Variants in WWOX observed in about 807,000 individuals in gnomAD.
The protein encoded by WWOX is WW domain-containing oxidoreductase.
In WWOX, 69 loss-of-function variants were observed where a neutral mutation model predicts 46.2. That is an observed-to-expected ratio of 1.49 (90% CI 1.23 to 1.82). WWOX has a LOEUF of 1.82. WWOX is among the 40% of genes most tolerant of loss of function. The probability of loss-of-function intolerance (pLI) is 0.00; values close to 1 mark genes in which losing one functional copy is unlikely to be tolerated. For missense variants in WWOX, 919 were observed against 542.6 expected (o/e 1.69, Z -6.89); for synonymous variants, 359 against 202.6 (o/e 1.77, Z -6.56).
At chr16:78,571,011 C>T (rs922860243) in intron 8 of WWOX, among the ~76,000 whole-genome samples, 3 of 152,128 alleles carry the variant, frequency 2.0e-5, no homozygotes, top group Non-Finnish European at 2.9e-5. Context: ...CTATGTTGCC[C>T]AGATGACTTG....
intron 8 of WWOX, among the ~76,000 whole-genome samples, chr16:79,178,095 C>A (rs952758798): frequency 2.6e-5 from 4 of 152,092 alleles, no homozygotes; most frequent in Non-Finnish European, 5.9e-5. Context: ...CTTTCAAAGG[C>A]CCTATCTTCT....
At chr16:78,437,492 A>G (rs914585389) in intron 8 of WWOX, among the ~76,000 whole-genome samples, 2 of 152,330 alleles carry the variant, frequency 1.3e-5, no homozygotes, top group South Asian at 2.1e-4. Context: ...TGCCTGCAAT[A>G]TAATAATCAC....
chr16:78,615,753 A>ATT (rs57166697), intron 8 of WWOX, among the ~76,000 whole-genome samples: 7 of 144,890 alleles, frequency 4.8e-5, no homozygotes, highest in Non-Finnish European at 9.1e-5. Flanking sequence ...CAATAGGATA[A>ATT]TTTTTTTTTT....
At chr16:78,450,223 T>G (rs781556151) in intron 8 of WWOX, among the ~76,000 whole-genome samples, 5 of 152,186 alleles carry the variant, frequency 3.3e-5, no homozygotes, top group Non-Finnish European at 7.4e-5. Context: ...TGGCACCTTG[T>G]GTAGAATTTG....
intron 8 of WWOX, among the ~76,000 whole-genome samples, chr16:78,835,593 C>T (rs1029590270): frequency 6.6e-5 from 10 of 152,116 alleles, no homozygotes; most frequent in Admixed American, 1.3e-4. Flanking sequence ...TATAGCAGTC[C>T]TATTGGCTAG....
At chr16:78,230,141 A>C (rs1214875610) in intron 5 of WWOX, among the ~76,000 whole-genome samples, 1 of 145,028 alleles carries the variant, frequency 6.9e-6, no homozygotes, top group Non-Finnish European at 1.5e-5. Context: ...CGGCCTCCCA[A>C]AGTGTTGGGA....
chr16:78,753,959 C>A (rs1357973291), intron 8 of WWOX, among the ~76,000 whole-genome samples: 1 of 149,210 alleles, frequency 6.7e-6, no homozygotes, highest in East Asian at 2.0e-4. Flanking sequence ...TTCTGTCTAA[C>A]ACAATCCAAT....
At chr16:78,230,855 A>G (rs1247558617) in intron 5 of WWOX, among the ~76,000 whole-genome samples, 3 of 152,240 alleles carry the variant, frequency 2.0e-5, no homozygotes, top group East Asian at 1.9e-4. Flanking sequence ...TATTTTCCAC[A>G]CATTTAGATT....
Position 79,154,111 on chromosome 16 carries a change from A to T in WWOX, c.1057-57497A>T, listed in dbSNP as rs539793419. Among the ~76,000 whole-genome samples, 7 of 152,320 alleles carry T rather than the reference A, an allele frequency of 4.6e-5. No individual in the cohort carries two copies. In the East Asian group the frequency reaches 1.4e-3, roughly 29 times the overall value. On this transcript the variant is annotated intron_variant, in intron 8 of 8. Coordinates refer to ENST00000566780, the MANE Select transcript of WWOX (RefSeq NM_016373.4). Reference sequence around the variant, plus strand: ...ATGCATCATGGATAGTCTTTTAAAAACAAGTTCTCATCTATTCAATGTCAG... The same window carrying T: ...ATGCATCATGGATAGTCTTTTAAAATCAAGTTCTCATCTATTCAATGTCAG...
At chr16:78,546,958 C>G (rs530851022) in intron 8 of WWOX, among the ~76,000 whole-genome samples, 4 of 151,774 alleles carry the variant, frequency 2.6e-5, no homozygotes, top group Non-Finnish European at 2.9e-5. Flanking sequence ...GAAACCCTAC[C>G]TCTACAAAAA....
At chr16:78,326,054 G>C (rs575276162) in intron 5 of WWOX, among the ~76,000 whole-genome samples, 1 of 152,262 alleles carries the variant, frequency 6.6e-6, no homozygotes, top group South Asian at 2.1e-4. Flanking sequence ...TTAAGCAGAA[G>C]GGGGAGGTAG....
intron 8 of WWOX, among the ~76,000 whole-genome samples, chr16:78,730,258 T>G (rs2048937232): frequency 6.6e-6 from 1 of 152,096 alleles, no homozygotes; most frequent in African/African-American, 2.4e-5. Context: ...ACGACGTTAG[T>G]ACCTCAATTT....
intron 5 of WWOX, among the ~76,000 whole-genome samples, chr16:78,341,935 G>C (rs1163901904): frequency 9.0e-6 from 1 of 110,898 alleles, no homozygotes; most frequent in African/African-American, 3.2e-5. Flanking sequence ...TGGCAACATA[G>C]CAAGACCTCA....
chr16:78,333,043 C>CTTTTTTTTTTTTTTTTTTTGTTTTTTT (rs2080798704), intron 5 of WWOX, among the ~76,000 whole-genome samples: 1 of 57,094 alleles, frequency 1.8e-5, no homozygotes, highest in Non-Finnish European at 3.8e-5. Context: ...GAGCATTATA[C>CTTTTTTTTTTTTTTTTTTTGTTTTTTT]TTTTTTTTTT....
At chr16:78,605,503 G>T (rs1241967359) in intron 8 of WWOX, among the ~76,000 whole-genome samples, 1 of 151,766 alleles carries the variant, frequency 6.6e-6, no homozygotes, top group Non-Finnish European at 1.5e-5. Context: ...TTGTCAAAAG[G>T]GTAGCCAGTT....
At chr16:78,123,433 TTG>T (rs2033193868) in intron 4 of WWOX, 1 of 104,308 alleles carries the variant, frequency 9.6e-6, no homozygotes, top group African/African-American at 3.9e-5. Flanking sequence ...TCTTTGTTTT[TTG>T]TTTTGTTTTT....
intron 8 of WWOX, among the ~76,000 whole-genome samples, chr16:78,882,070 G>A (rs1200921946): frequency 1.4e-5 from 2 of 147,882 alleles, no homozygotes; most frequent in African/African-American, 2.5e-5. Flanking sequence ...AGGTTGCAGC[G>A]AGCCGAGATC....
chr16:79,117,958 C>T (rs533913526), intron 8 of WWOX, among the ~76,000 whole-genome samples: 6 of 152,192 alleles, frequency 3.9e-5, no homozygotes, highest in South Asian at 4.1e-4. Flanking sequence ...TGGGTGATAA[C>T]GCTGTTTTGG....
chr16:79,068,954 C>G (rs1261092535), intron 8 of WWOX, among the ~76,000 whole-genome samples: 2 of 152,100 alleles, frequency 1.3e-5, no homozygotes, highest in Non-Finnish European at 2.9e-5. Context: ...CCAAACATTT[C>G]ACAGTTGTCT....
Sources: gnomAD v4.1 joint callset for allele counts (sites outside exome capture counted in the v4.1 genomes callset) on GRCh38, gnomAD v4.1.1 for gene constraint, MANE v1.5 for transcripts, NCBI Gene and HGNC (gene_info 2026-07-23, HGNC 2026-07-21) for gene names.